PIK3C2G: variants seen among roughly 807,000 people sequenced by gnomAD.
PIK3C2G encodes the protein phosphatidylinositol-4-phosphate 3-kinase catalytic subunit type 2 gamma.
PIK3C2G carries 168 observed loss-of-function variants against 181.1 expected under a neutral mutation model. The ratio of observed to expected loss-of-function variants is 0.93; its 90% confidence interval spans 0.82 to 1.05. PIK3C2G has a LOEUF of 1.05. Among genes scored for constraint, PIK3C2G ranks in the 50% least tolerant of loss-of-function variants. PIK3C2G has a pLI of 0.00. For synonymous variants in PIK3C2G, 573 were observed against 592.2 expected (o/e 0.97, Z 0.47); for missense variants, 1,869 against 1,732.8 (o/e 1.08, Z -1.40).
At chr12:18,720,265 C>T in the PIK3C2G span, among the ~76,000 whole-genome samples, 1 of 151,850 alleles carries the variant, frequency 6.6e-6, no homozygotes, top group African/African-American at 2.4e-5. Context: ...CATTCTATCA[C>T]TGATAGGCAT....
intron 16 of PIK3C2G, among the ~76,000 whole-genome samples, chr12:18,403,027 C>T (rs571749261): frequency 6.6e-6 from 1 of 152,196 alleles, no homozygotes; most frequent in East Asian, 1.9e-4. Flanking sequence ...TTCATGAGAG[C>T]TTATAATCTG....
the PIK3C2G span, among the ~76,000 whole-genome samples, chr12:18,718,424 A>T: frequency 6.6e-6 from 1 of 152,038 alleles, no homozygotes; most frequent in Non-Finnish European, 1.5e-5. Context: ...GCTGGGATAA[A>T]ATCTATTCTC....
chr12:18,306,190 G>T (rs1950414102), intron 5 of PIK3C2G, among the ~76,000 whole-genome samples: 1 of 151,930 alleles, frequency 6.6e-6, no homozygotes, highest in African/African-American at 2.4e-5. Context: ...CCTTTTTATA[G>T]GCTTGTGGGA....
intron 1 of PIK3C2G, among the ~76,000 whole-genome samples, chr12:18,249,326 T>A (rs1428442238): frequency 1.3e-5 from 2 of 152,188 alleles, no homozygotes; most frequent in Non-Finnish European, 2.9e-5. Flanking sequence ...GGAATTTAAT[T>A]GAAGATAGTT....
intron 20 of PIK3C2G, among the ~76,000 whole-genome samples, chr12:18,494,901 C>G (rs910579320): frequency 6.6e-6 from 1 of 152,126 alleles, no homozygotes; most frequent in East Asian, 2.0e-4. Context: ...CCTATCAACA[C>G]AAATCTAACC....
chr12:18,513,181 G>C (rs1942323457), intron 24 of PIK3C2G, among the ~76,000 whole-genome samples: 1 of 151,632 alleles, frequency 6.6e-6, no homozygotes, highest in Non-Finnish European at 1.5e-5. Context: ...AATGTGTTCT[G>C]GAATTCAGCT....
At chr12:18,706,917 G>C in the PIK3C2G span, among the ~76,000 whole-genome samples, 4 of 152,190 alleles carry the variant, frequency 2.6e-5, no homozygotes, top group African/African-American at 9.7e-5. Flanking sequence ...TCAAGGTGTT[G>C]GTAAGGCTGC....
chr12:18,484,485 T>C (rs1051546984), intron 18 of PIK3C2G, among the ~76,000 whole-genome samples: 27 of 152,222 alleles, frequency 1.8e-4, no homozygotes, highest in African/African-American at 6.5e-4. Flanking sequence ...AATAGTTTTA[T>C]ACTTGAGTTG....
intron 8 of PIK3C2G, 119 bp from the exon 9 acceptor site, chr12:18,338,307 A>C (rs2137592414): frequency 1.3e-6 from 1 of 763,848 alleles, no homozygotes; most frequent in South Asian, 2.0e-5. Context: ...TTTGTGTGAA[A>C]GCAAACAAGC....
intron 8 of PIK3C2G, among the ~76,000 whole-genome samples, chr12:18,335,423 T>A (rs540243728): frequency 6.7e-6 from 1 of 150,090 alleles, no homozygotes; most frequent in East Asian, 1.9e-4. Context: ...TTGCCTTTCT[T>A]AAAATTTGTG....
At chr12:18,537,164 T>G (rs992697763) in intron 24 of PIK3C2G, among the ~76,000 whole-genome samples, 4 of 152,004 alleles carry the variant, frequency 2.6e-5, no homozygotes, top group African/African-American at 9.7e-5. Context: ...CAGTGAAATT[T>G]TTCACTCCAT....
rs867555467 is a variant in PIK3C2G, at chr12:18,413,624, A to T, written c.2316-7317A>T. On this transcript the variant is annotated intron_variant, in intron 16 of 32. Coordinates refer to ENST00000538779, the MANE Select transcript of PIK3C2G (RefSeq NM_001288772.2). Reference sequence around the variant, plus strand: ...ATAAATGTAATTAAGGTCCTAGTTGACATCAGCCTCATGAATCTCCTAGCA... The same window carrying T: ...ATAAATGTAATTAAGGTCCTAGTTGTCATCAGCCTCATGAATCTCCTAGCA... Among the ~76,000 whole-genome samples the T allele has an allele frequency of 2.0e-5, 3 of 152,238 alleles. No individual in the cohort carries two copies. The South Asian group carries it at 6.2e-4, about 32-fold the overall frequency.
chr12:18,584,588 C>A lies in PIK3C2G; in HGVS notation c.4012-9906C>A, dbSNP rs1306502341. ...GAATTATTGACATCTCTGAAGGAAT[C>A]GGGAGAAAGCAAACAACTTGGAAAT... is the stretch of plus-strand genomic sequence containing the variant. On this transcript the variant is annotated intron_variant, in intron 29 of 32. Coordinates refer to ENST00000538779, the MANE Select transcript of PIK3C2G (RefSeq NM_001288772.2). 2.0e-5 allele frequency among the ~76,000 whole-genome samples: 3 copies of A among 151,954 alleles called. No individual in the cohort carries two copies. In the East Asian group the frequency reaches 5.8e-4, roughly 29 times the overall value.
At position 18,640,503 on chromosome 12, in the gene PIK3C2G, G is replaced by C. The variant is rs1477326088; in HGVS notation, c.4257G>C (p.Arg1419Ser). The C allele has an allele frequency of 3.7e-6, 6 of 1,605,852 alleles. No homozygotes were observed. The highest frequency in any genetic ancestry group is 4.3e-6 in the Non-Finnish European group (5 of 1,175,376). Residue 1419 changes from arginine to serine, a missense_variant, in exon 32 of 33, where the codon AGG (arginine) becomes AGC (serine). By Grantham distance (110) the Arg-to-Ser change is moderately radical. Transcript: ENST00000538779. ...TACCATATCCCAGTGAAGTTCGTAG[G>C]AGGAAAACAAAATCTGTTCCAAAAT... ...YLLPYPSEVRRRKTKSVPKCT... is the reference protein window; with the variant it reads ...YLLPYPSEVRSRKTKSVPKCT...
At chr12:18,337,133 A>G (rs1938609206) in intron 8 of PIK3C2G, among the ~76,000 whole-genome samples, 1 of 152,176 alleles carries the variant, frequency 6.6e-6, no homozygotes, top group South Asian at 2.1e-4. Flanking sequence ...AAAAACCACA[A>G]TTGTTAACGA....
chr12:18,372,178 T>C (rs568575759), intron 13 of PIK3C2G, among the ~76,000 whole-genome samples: 66 of 152,128 alleles, frequency 4.3e-4, no homozygotes, highest in African/African-American at 1.5e-3. Flanking sequence ...GGATTAATTC[T>C]GATGTAAGCT....
intron 31 of PIK3C2G, among the ~76,000 whole-genome samples, chr12:18,631,513 G>A (rs530137870): frequency 3.9e-5 from 6 of 152,200 alleles, no homozygotes; most frequent in South Asian, 2.1e-4. Flanking sequence ...GGGAATCCTC[G>A]AATGTTCAGA....
rs374111574 is a variant in PIK3C2G, at chr12:18,581,069, G to A, written c.4012-13425G>A. 2.2e-4 allele frequency among the ~76,000 whole-genome samples: 33 copies of A among 152,262 alleles called. No homozygotes were observed. The East Asian group carries it at 4.8e-3, about 22-fold the overall frequency. ...AACAAGAATATGTTCAGATGACATAGGAAAAGCACTTAGGTTTTAAGTAAC... is the reference window on the plus strand; with the variant it reads ...AACAAGAATATGTTCAGATGACATAAGAAAAGCACTTAGGTTTTAAGTAAC... On this transcript the variant is annotated intron_variant, in intron 29 of 32. Transcript: ENST00000538779.
At chr12:18,356,744 G>T (rs978457914) in intron 11 of PIK3C2G, among the ~76,000 whole-genome samples, 1 of 152,092 alleles carries the variant, frequency 6.6e-6, no homozygotes, top group Non-Finnish European at 1.5e-5. Context: ...GAAATCTTCT[G>T]AAAGATCCTG....
Sources: allele counts gnomAD v4.1 joint callset (sites outside exome capture counted in the v4.1 genomes callset), GRCh38; gene constraint gnomAD v4.1.1; transcripts MANE v1.5; gene names NCBI Gene and HGNC (gene_info 2026-07-23, HGNC 2026-07-21).